The following LIPH variants were observed in gnomAD, a reference collection of about 807,000 sequenced individuals.
LIPH encodes the protein lipase H, also known as lipase member H.
Under a neutral mutation model 47.6 loss-of-function variants are expected in LIPH, and 32 were observed. That is an observed-to-expected ratio of 0.67 (90% confidence interval 0.51 to 0.90). LIPH has a LOEUF of 0.90. Ranked by LOEUF, LIPH falls within the 40% of genes least tolerant of loss-of-function variation. The probability of loss-of-function intolerance (pLI) is 0.00; values close to 1 mark genes in which losing one functional copy is unlikely to be tolerated. For missense variants in LIPH, 497 were observed against 541.4 expected (o/e 0.92, Z 0.81); for synonymous variants, 190 against 195.6 (o/e 0.97, Z 0.24).
intron 6 of LIPH, 28 bp downstream of exon 6, chr3:185,519,114 C>A: frequency 6.2e-7 from 1 of 1,600,424 alleles, no homozygotes; most frequent in Non-Finnish European, 8.6e-7. Flanking sequence ...CTTTGTGAAT[C>A]AGAGAGGAAA....
intron 2 of LIPH, 135 bp from the exon 3 acceptor site, chr3:185,533,814 A>C: frequency 1.5e-6 from 1 of 649,354 alleles, no homozygotes; most frequent in Non-Finnish European, 2.8e-6. Context: ...AAAAGTCACA[A>C]CATCCATGCA....
At chr3:185,520,335 A>G (rs1719862274) in intron 5 of LIPH, among the ~76,000 whole-genome samples, 1 of 151,982 alleles carries the variant, frequency 6.6e-6, no homozygotes, top group African/African-American at 2.4e-5. Context: ...CCTGACCAAC[A>G]TGGTGAAACC....
intron 8 of LIPH, among the ~76,000 whole-genome samples, chr3:185,513,832 A>C (rs772348952): frequency 2.0e-5 from 3 of 152,166 alleles, no homozygotes; most frequent in Non-Finnish European, 4.4e-5. Context: ...TGAAGTCAGG[A>C]GTTTGAGACC....
At position 185,523,928 on chromosome 3, in the gene LIPH, G is replaced by A. The variant is rs568969191; in HGVS notation, c.718+143C>T. The A allele has an allele frequency of 3.3e-4, 198 of 608,996 alleles. 1 individual carries two copies. The Middle Eastern group carries it at 3.6e-3, about 11-fold the overall frequency. The allele number at this position is 608,996 out of a possible 1,614,324, so 37.7% of individuals were successfully genotyped here. A position where few individuals can be genotyped will look rare whatever the true frequency, so the allele number is the denominator to read the frequency against. On this transcript the variant is annotated intron_variant, in intron 5 of 9. Transcript: ENST00000296252. ...GTAGAGATGGGGTTTCACTATGTTG[G>A]CCAGGCTCGTCTCAAACTCCTGACC...
At chr3:185,542,636 G>C (rs1295977271) in intron 1 of LIPH, among the ~76,000 whole-genome samples, 2 of 151,960 alleles carry the variant, frequency 1.3e-5, no homozygotes, top group South Asian at 2.1e-4. Context: ...GCTTTTTCTT[G>C]GTTATTTCAC....
chr3:185,541,210 A>G (rs1484571815), intron 1 of LIPH, among the ~76,000 whole-genome samples: 1 of 152,022 alleles, frequency 6.6e-6, no homozygotes, highest in Non-Finnish European at 1.5e-5. Flanking sequence ...TTTCTGTTCT[A>G]TTTACTGTAT....
At position 185,529,906 on chromosome 3, in the gene LIPH, A is replaced by AAAAGAAGGAAAG. The variant is rs1720258370; in HGVS notation, c.527-2322_527-2321insCTTTCCTTCTTT. On this transcript the variant is annotated intron_variant, in intron 3 of 9. Coordinates refer to ENST00000296252, the MANE Select transcript of LIPH (RefSeq NM_139248.3). ...AAGAGAGAGAGAGAAAGAGAGAAAG[A>AAAAGAAGGAAAG]AAAGAAAGAAAGAAAGAAAGAAAGA... Among the ~76,000 whole-genome samples the AAAAGAAGGAAAG allele has an allele frequency of 4.1e-5, 5 of 122,716 alleles. No homozygotes were observed. The Admixed American group carries it at 4.5e-4, about 11-fold the overall frequency. The allele number at this position is 122,716 out of a possible 152,430, so 80.5% of individuals were successfully genotyped here. A position where few individuals can be genotyped will look rare whatever the true frequency, so the allele number is the denominator to read the frequency against.
chr3:185,538,635 T>TTA (rs1292736154), intron 1 of LIPH, among the ~76,000 whole-genome samples: 1 of 81,694 alleles, frequency 1.2e-5, no homozygotes, highest in Non-Finnish European at 2.8e-5. Context: ...TTACCTATGC[T>TTA]TAATGTTTCA....
intron 3 of LIPH, among the ~76,000 whole-genome samples, chr3:185,528,991 G>C (rs1367616085): frequency 7.6e-6 from 1 of 132,160 alleles, no homozygotes; most frequent in Non-Finnish European, 1.6e-5. Flanking sequence ...GTGAAACCCC[G>C]TATCTATTAA....
intron 1 of LIPH, among the ~76,000 whole-genome samples, chr3:185,546,445 T>A (rs908470703): frequency 6.6e-6 from 1 of 151,774 alleles, no homozygotes; most frequent in African/African-American, 2.4e-5. Context: ...GGAAAACCAC[T>A]TGAGTCCAGG....
At position 185,512,048 on chromosome 3, in the gene LIPH, G is replaced by A. The variant is rs538200119; in HGVS notation, c.1095-351C>T. ...TCTCTCCAACTCCCCAGAACATTCC[G>A]CAAGGGGGGCATTATTCTCCTCATT... On this transcript the variant is annotated intron_variant, in intron 8 of 9. Transcript: ENST00000296252. Among the ~76,000 whole-genome samples, 5 of 152,150 alleles carry A rather than the reference G, an allele frequency of 3.3e-5. No homozygotes were observed. The South Asian group carries it at 1.0e-3, about 32-fold the overall frequency.
intron 7 of LIPH, among the ~76,000 whole-genome samples, chr3:185,516,401 T>G (rs540183143): frequency 3.4e-4 from 51 of 151,836 alleles, no homozygotes; most frequent in African/African-American, 1.1e-3. Flanking sequence ...CCACTGAACT[T>G]CAACTTGGGT....
chr3:185,537,459 C>G (rs1245689698), intron 1 of LIPH, among the ~76,000 whole-genome samples: 2 of 152,152 alleles, frequency 1.3e-5, no homozygotes, highest in Non-Finnish European at 2.9e-5. Context: ...ATCCCTTGGC[C>G]TCTTTCATTT....
intron 1 of LIPH, among the ~76,000 whole-genome samples, chr3:185,542,527 C>G (rs7651959): frequency 0.37 from 55,721 of 151,352 alleles, 10,378 homozygotes; most frequent in Non-Finnish European, 0.4. Flanking sequence ...ATGTTGTCCA[C>G]GCTGGTCTCG....
At position 185,538,729 on chromosome 3, in the gene LIPH, A is replaced by C. The variant is rs1385141392; in HGVS notation, c.50-3597T>G. 4.8e-5 allele frequency among the ~76,000 whole-genome samples: 4 copies of C among 83,366 alleles called. No individual in the cohort carries two copies. In the East Asian group the frequency reaches 1.1e-3, roughly 23 times the overall value. The allele number at this position is 83,366 out of a possible 152,430, so 54.7% of individuals were successfully genotyped here. A position where few individuals can be genotyped will look rare whatever the true frequency, so the allele number is the denominator to read the frequency against. ...ATATTCCACCAAATAATATATGTAC[A>C]TATATATACATATATGTACATATAT... On this transcript the variant is annotated intron_variant, in intron 1 of 9. Transcript: ENST00000296252.
chr3:185,540,049 G>C (rs552897961), intron 1 of LIPH, among the ~76,000 whole-genome samples: 2 of 152,196 alleles, frequency 1.3e-5, no homozygotes, highest in South Asian at 4.1e-4. Context: ...TGGGGTCTGA[G>C]GCTCTTCCTA....
rs141948236 is a variant in LIPH, at chr3:185,519,276, G to A, written c.752C>T (p.Ser251Phe). The A allele has an allele frequency of 6.2e-6, 10 of 1,613,426 alleles. No individual in the cohort carries two copies. The African/African-American group carries it at 1.2e-4, about 19-fold the overall frequency. Residue 251 changes from serine (S) to phenylalanine (F), a missense_variant, in exon 6 of 10, where the codon TCT becomes TTT. By Grantham distance (155) the Ser-to-Phe change is radical (BLOSUM62 -2). Coordinates refer to ENST00000296252, the MANE Select transcript of LIPH (RefSeq NM_139248.3). ...CAGGGAAGACAGGTACAGGTATACA[G>A]ACCTCTGGTGGTCACATTTAAAATA... ...FQYFKCDHQR[S>F]VYLYLSSLRE... is the part of the protein sequence containing the mutation.
chr3:185,522,140 G>A (rs1321366809), intron 5 of LIPH, among the ~76,000 whole-genome samples: 5 of 152,170 alleles, frequency 3.3e-5, no homozygotes, highest in African/African-American at 1.2e-4. Context: ...CAGTGAACAA[G>A]ACCTACAGCT....
rs1193458251 is a variant in LIPH, at chr3:185,533,617, A to G, written c.480T>C (p.Ser160=). Residue 160 remains serine (S), a synonymous_variant, in exon 3 of 10, where the codon TCT becomes TCC. Transcript: ENST00000296252. ...MIGVSLGAHI[S]GFVGEMYDGW... The stretch of plus-strand genomic sequence containing the variant: ...CATCGTACATCTCTCCAACAAACCC[A>G]GATATGTGGGCTCCTAGACTTACTC... The G allele has an allele frequency of 5.0e-6, 8 of 1,613,872 alleles. No individual in the cohort carries two copies. Among genetic ancestry groups the G allele is most frequent in the Non-Finnish European group, 5.9e-6 (7 of 1,179,902 alleles).
Sources: gnomAD v4.1 joint callset for allele counts (sites outside exome capture counted in the v4.1 genomes callset) on GRCh38, gnomAD v4.1.1 for gene constraint, MANE v1.5 for transcripts, NCBI Gene and HGNC (gene_info 2026-07-23, HGNC 2026-07-21) for gene names.